The following RAP1GAP2 variants were observed in gnomAD, a reference collection of about 807,000 sequenced individuals.
The protein encoded by RAP1GAP2 is RAP1 GTPase activating protein 2.
RAP1GAP2 carries 27 observed loss-of-function variants against 95.0 expected under a neutral mutation model. That is an observed-to-expected ratio of 0.28 (90% CI 0.21 to 0.39). RAP1GAP2 has a LOEUF of 0.39. RAP1GAP2 is among the 10% of genes least tolerant of loss of function. The pLI is 1.00. For synonymous variants in RAP1GAP2, 373 were observed against 380.9 expected (o/e 0.98, Z 0.24); for missense variants, 771 against 970.0 (o/e 0.79, Z 2.72).
intron 2 of RAP1GAP2, among the ~76,000 whole-genome samples, chr17:2,854,325 C>T (rs1160360511): frequency 6.6e-6 from 1 of 152,198 alleles, no homozygotes; most frequent in African/African-American, 2.4e-5. Context: ...GCTGGGAGGG[C>T]GCATCGGGGT....
intron 2 of RAP1GAP2, among the ~76,000 whole-genome samples, chr17:2,820,903 T>TTTTTG (rs2070268982): frequency 6.9e-6 from 1 of 145,868 alleles, no homozygotes; most frequent in African/African-American, 2.6e-5. Flanking sequence ...TTTTTTTTTT[T>TTTTTG]TTTTTTGTAT....
At chr17:3,026,804 A>C (rs2047131934) in intron 21 of RAP1GAP2, 140 bp from the exon 22 acceptor site, 1 of 1,147,518 alleles carries the variant, frequency 8.7e-7, no homozygotes, top group Admixed American at 2.7e-5. Flanking sequence ...CCAGGGTTGA[A>C]GTCAGCAGGA....
At chr17:2,854,285 T>C (rs1420931398) in intron 2 of RAP1GAP2, among the ~76,000 whole-genome samples, 1 of 152,094 alleles carries the variant, frequency 6.6e-6, no homozygotes, top group Non-Finnish European at 1.5e-5. Context: ...GCGAGGAGCC[T>C]GGGCAGGACC....
chr17:2,958,659 T>C (rs1017064307), intron 4 of RAP1GAP2, among the ~76,000 whole-genome samples: 1 of 152,064 alleles, frequency 6.6e-6, no homozygotes, highest in African/African-American at 2.4e-5. Flanking sequence ...GGTGCGTGGC[T>C]CATAAGTAGC....
chr17:2,909,989 T>C (rs1420738407), intron 3 of RAP1GAP2, among the ~76,000 whole-genome samples: 1 of 152,166 alleles, frequency 6.6e-6, no homozygotes, highest in Non-Finnish European at 1.5e-5. Flanking sequence ...GGAGGTTTTT[T>C]CCCTTTGTGT....
chr17:2,963,576 T>A lies in RAP1GAP2; in HGVS notation c.279+114T>A. On this transcript the variant is annotated intron_variant, in intron 6 of 24. Transcript: ENST00000254695. The surrounding 1 kb of genome is among the most constrained non-coding windows in gnomAD (Gnocchi z 4.8). ...CCCCCAGGGGAGAGAACCTTGGGCC[T>A]GGGACCTCTCTTCCTGTCTTTGCCT... 7.3e-7 allele frequency: 1 copy of A among 1,373,892 alleles called. No individual in the cohort carries two copies. The highest frequency in any genetic ancestry group is 1.0e-6 in the Non-Finnish European group (1 of 970,924). 85.1% of individuals were successfully genotyped at this position (1,373,892 alleles called of 1,614,324 possible). A position where few individuals can be genotyped will look rare whatever the true frequency, so the allele number is the denominator to read the frequency against.
chr17:2,876,039 G>A (rs1382437417), intron 2 of RAP1GAP2, among the ~76,000 whole-genome samples: 7 of 151,562 alleles, frequency 4.6e-5, no homozygotes, highest in African/African-American at 9.7e-5. Flanking sequence ...CCGGGTTCAC[G>A]CCATTCTCCT....
rs2044540241 is a variant in RAP1GAP2 at position 2,965,273 on chromosome 17, A to G, written c.493-267A>G. On this transcript the variant is annotated intron_variant, in intron 7 of 24. Coordinates refer to ENST00000254695, the MANE Select transcript of RAP1GAP2 (RefSeq NM_015085.5). This position sits in a 1 kb window ranked among gnomAD's most constrained non-coding sequence, Gnocchi z 4.7. The stretch of plus-strand genomic sequence containing the variant: ...TAACCCCCCGACCATTGGTTTTCCC[A>G]TCTGTGAAATGGGGATGATGTTCTC... The G allele has an allele frequency of 2.1e-6, 1 of 478,758 alleles. No homozygotes were observed. Among genetic ancestry groups the G allele is most frequent in the Admixed American group, 3.6e-5 (1 of 27,918 alleles). The allele number at this position is 478,758 out of a possible 1,614,324, so 29.7% of individuals were successfully genotyped here.
At chr17:2,985,277 ATG>A (rs147694594) in intron 11 of RAP1GAP2, among the ~76,000 whole-genome samples, 41,641 of 118,758 alleles carry the variant, frequency 0.35, 6,129 homozygotes, top group South Asian at 0.54. Flanking sequence ...TTAAACAGTG[ATG>A]TTTTTTTTTT....
At chr17:2,923,403 C>G (rs2042857352) in intron 3 of RAP1GAP2, among the ~76,000 whole-genome samples, 1 of 151,196 alleles carries the variant, frequency 6.6e-6, no homozygotes, top group Admixed American at 6.6e-5. Context: ...GCAATCTTGG[C>G]TCACTGCACC....
chr17:2,925,383 TTACAA>T (rs1567784695), intron 3 of RAP1GAP2, among the ~76,000 whole-genome samples: 1 of 152,018 alleles, frequency 6.6e-6, no homozygotes, highest in African/African-American at 2.4e-5. Flanking sequence ...CTCAGGAAAC[TTACAA>T]TCATGAAGGA....
rs2072072956 is a variant in RAP1GAP2, at chr17:2,855,017, G to A, written c.81-50267G>A. 6.6e-6 allele frequency among the ~76,000 whole-genome samples: 1 copy of A among 152,140 alleles called. No homozygotes were observed. The highest frequency in any genetic ancestry group is 2.4e-5 in the African/African-American group (1 of 41,418). The stretch of plus-strand genomic sequence containing the variant: ...GTTAATACCGCACCCTATAAGACAC[G>A]GGCAGTGGAACCAGAGACACCTGGG... On this transcript the variant is annotated intron_variant, in intron 2 of 24. Transcript: ENST00000254695. This position sits in a 1 kb window ranked among gnomAD's most constrained non-coding sequence, Gnocchi z 4.3.
In RAP1GAP2 at chr17:2,797,030, C is replaced by T. The variant is rs952914733; in HGVS notation, c.44+459C>T. Among the ~76,000 whole-genome samples, 1 of 152,002 alleles carries T rather than the reference C, an allele frequency of 6.6e-6. No individual in the cohort carries two copies. The highest frequency in any genetic ancestry group is 1.9e-4 in the East Asian group (1 of 5,184). ...GCATGTGGGCAGCTGCCTGTCTGCA[C>T]TTCTGGCCTTCTGTGTCTGTGTGTG... On this transcript the variant is annotated intron_variant, in intron 1 of 24. Transcript: ENST00000254695. The surrounding 1 kb of genome is among the most constrained non-coding windows in gnomAD (Gnocchi z 5.6).
At chr17:2,764,707 C>T (rs912037280) in intron 1 of RAP1GAP2, among the ~76,000 whole-genome samples, 12 of 152,054 alleles carry the variant, frequency 7.9e-5, no homozygotes, top group Non-Finnish European at 1.3e-4. Flanking sequence ...GGTGACAGAA[C>T]GAGACTCCGT....
intron 1 of RAP1GAP2, among the ~76,000 whole-genome samples, chr17:2,780,308 C>G (rs1182002670): frequency 2.6e-5 from 4 of 152,226 alleles, no homozygotes; most frequent in African/African-American, 9.6e-5. Flanking sequence ...GCCCTGGCCT[C>G]CCAAAGTGCT....
chr17:2,957,561 C>G (rs543908838), intron 3 of RAP1GAP2, among the ~76,000 whole-genome samples, 198 bp from the exon 4 acceptor site: 11 of 152,338 alleles, frequency 7.2e-5, no homozygotes, highest in African/African-American at 2.4e-4. Flanking sequence ...GTGCCTTAGC[C>G]TCTCTCCTGT....
At chr17:2,944,814 T>C (rs2043645462) in intron 3 of RAP1GAP2, among the ~76,000 whole-genome samples, 1 of 152,178 alleles carries the variant, frequency 6.6e-6, no homozygotes, top group African/African-American at 2.4e-5. Flanking sequence ...TGGGCAATGT[T>C]TTGTAGTGCT....
chr17:2,959,318 C>T (rs957104809), intron 4 of RAP1GAP2, among the ~76,000 whole-genome samples: 3 of 152,112 alleles, frequency 2.0e-5, no homozygotes, highest in South Asian at 2.1e-4. Context: ...TCATGTAGAT[C>T]GGGTGCTTTC....
At chr17:2,883,903 G>T (rs1428855275) in intron 2 of RAP1GAP2, among the ~76,000 whole-genome samples, 3 of 152,248 alleles carry the variant, frequency 2.0e-5, no homozygotes, top group Non-Finnish European at 2.9e-5. Flanking sequence ...GAATGGACAG[G>T]CAGGGGCCTA....
Sources: gnomAD v4.1 joint callset for allele counts (sites outside exome capture counted in the v4.1 genomes callset) on GRCh38, gnomAD v4.1.1 for gene constraint, Gnocchi (gnomAD v3.1) non-coding constraint, MANE v1.5 for transcripts, NCBI Gene and HGNC (gene_info 2026-07-23, HGNC 2026-07-21) for gene names.